ELL: variants seen among roughly 807,000 people sequenced by gnomAD.
The protein encoded by ELL is elongation factor for RNA polymerase II.
A neutral mutation model predicts 64.0 loss-of-function variants in ELL; 18 were observed. That is an observed-to-expected ratio of 0.28 (90% CI 0.19 to 0.42). The LOEUF (loss-of-function observed/expected upper bound fraction) is 0.42, where lower values mean the gene tolerates loss of function less well. Among genes scored for constraint, ELL ranks in the 10% least tolerant of loss-of-function variants. The pLI is 1.00. For missense variants in ELL, 797 were observed against 870.4 expected (o/e 0.92, Z 1.06); for synonymous variants, 399 against 376.2 (o/e 1.06, Z -0.70).
intron 6 of ELL, among the ~76,000 whole-genome samples, chr19:18,453,199 G>A (rs182481461): frequency 1.3e-5 from 2 of 152,202 alleles, no homozygotes; most frequent in African/African-American, 2.4e-5. Flanking sequence ...ACTTGAACCC[G>A]GGAGGCGGAG....
chr19:18,493,546 G>T (rs1297954909), intron 1 of ELL, among the ~76,000 whole-genome samples: 1 of 152,242 alleles, frequency 6.6e-6, no homozygotes, highest in African/African-American at 2.4e-5. Context: ...ACATGAACAT[G>T]GTGTACTCTC....
Position 18,445,262 on chromosome 19 carries a change from G to A in ELL, c.1711C>T (p.Arg571Ter). The A allele has an allele frequency of 6.2e-7, 1 of 1,613,152 alleles. No individual in the cohort carries two copies. Among genetic ancestry groups the A allele is most frequent in the Non-Finnish European group, 8.5e-7 (1 of 1,179,570 alleles). Reference sequence around the variant, plus strand: ...CGATATTCCTGCAAAATCTGCCCTCGAGTAGTCTAGAAGAAAAACAAAATT... The same window carrying A: ...CGATATTCCTGCAAAATCTGCCCTCAAGTAGTCTAGAAGAAAAACAAAATT... Reference protein sequence around the residue: ...SQGSEEYETTRGQILQEYRKI... With the variant: ...SQGSEEYETT The change falls in exon 11 of 12, where the codon CGA becomes TGA. Residue 571 changes from arginine to a stop codon, truncating the protein, a stop_gained. Transcript: ENST00000262809. LOFTEE classifies it high-confidence loss of function.
chr19:18,472,752 T>A, intron 2 of ELL, 83 bp downstream of exon 2: 1 of 1,513,950 alleles, frequency 6.6e-7, no homozygotes, highest in Non-Finnish European at 9.0e-7. Flanking sequence ...CATGAGCTGC[T>A]GCTGTACCCA....
intron 5 of ELL, 43 bp from the exon 6 acceptor site, chr19:18,458,372 G>A (rs1416804180): frequency 7.5e-6 from 12 of 1,592,726 alleles, no homozygotes; most frequent in Non-Finnish European, 1.0e-5. Flanking sequence ...AATCCTGAGA[G>A]AGACGGGGGA....
chr19:18,493,824 A>T (rs1445961755), intron 1 of ELL, among the ~76,000 whole-genome samples: 1 of 151,990 alleles, frequency 6.6e-6, no homozygotes, highest in Non-Finnish European at 1.5e-5. Context: ...GTCACTGACC[A>T]CTCCTCATAG....
intron 6 of ELL, among the ~76,000 whole-genome samples, chr19:18,454,052 G>GGAATGAAA (rs1367622721): frequency 6.6e-6 from 1 of 152,160 alleles, no homozygotes; most frequent in African/African-American, 2.4e-5. Context: ...TGGGGATAGG[G>GGAATGAAA]TTTCCTTTTG....
At chr19:18,499,795 G>T (rs1318729500) in intron 1 of ELL, among the ~76,000 whole-genome samples, 1 of 152,186 alleles carries the variant, frequency 6.6e-6, no homozygotes, top group African/African-American at 2.4e-5. Flanking sequence ...GGCTCTCTGG[G>T]TCTCTAGGAG....
At chr19:18,511,480 G>T (rs1976021618) in intron 1 of ELL, among the ~76,000 whole-genome samples, 1 of 152,158 alleles carries the variant, frequency 6.6e-6, no homozygotes, top group African/African-American at 2.4e-5. Context: ...ATACTTACAT[G>T]CCCTGTTCAC....
At chr19:18,455,506 AAAG>A (rs1373071056) in intron 6 of ELL, among the ~76,000 whole-genome samples, 2 of 151,774 alleles carry the variant, frequency 1.3e-5, no homozygotes, top group East Asian at 1.9e-4. Context: ...AAAAAAAAAA[AAAG>A]AACATGCTCC....
intron 1 of ELL, among the ~76,000 whole-genome samples, chr19:18,485,714 G>A (rs1007460422): frequency 2.0e-5 from 3 of 151,976 alleles, no homozygotes; most frequent in East Asian, 1.9e-4. Flanking sequence ...TGGGCCGGGC[G>A]CGGTGGCTCA....
intron 2 of ELL, among the ~76,000 whole-genome samples, chr19:18,467,061 T>C (rs1974953580): frequency 6.6e-6 from 1 of 152,152 alleles, no homozygotes; most frequent in Non-Finnish European, 1.5e-5. Context: ...CTGTGTGGCC[T>C]TGACTGGGAC....
At chr19:18,482,344 G>T (rs1362826310) in intron 1 of ELL, among the ~76,000 whole-genome samples, 1 of 94,206 alleles carries the variant, frequency 1.1e-5, no homozygotes, top group Non-Finnish European at 1.8e-5. Context: ...TTTAAACAGG[G>T]TCTCGCCCTG....
intron 5 of ELL, among the ~76,000 whole-genome samples, chr19:18,459,950 G>T (rs1465699672): frequency 6.6e-6 from 1 of 152,192 alleles, no homozygotes; most frequent in Non-Finnish European, 1.5e-5. Context: ...CCTTCGACGG[G>T]ATTCCCAGAA....
At chr19:18,472,146 G>A (rs1975076736) in intron 2 of ELL, among the ~76,000 whole-genome samples, 1 of 151,958 alleles carries the variant, frequency 6.6e-6, no homozygotes, top group South Asian at 2.1e-4. Flanking sequence ...ATTTTTAGTA[G>A]AGACGCGTTT....
chr19:18,514,592 A>C (rs1976092829), intron 1 of ELL, among the ~76,000 whole-genome samples: 1 of 151,808 alleles, frequency 6.6e-6, no homozygotes, highest in Non-Finnish European at 1.5e-5. Context: ...CTGCACCTGC[A>C]GGTCACAGGC....
At chr19:18,518,425 G>A (rs150805397) in intron 1 of ELL, among the ~76,000 whole-genome samples, 2 of 151,682 alleles carry the variant, frequency 1.3e-5, no homozygotes, top group East Asian at 1.9e-4. Flanking sequence ...GGTAGTTCGA[G>A]GCTGCAGTGA....
intron 2 of ELL, among the ~76,000 whole-genome samples, chr19:18,472,150 C>T (rs1228212201): frequency 3.3e-5 from 5 of 151,924 alleles, no homozygotes; most frequent in South Asian, 2.1e-4. Context: ...TTAGTAGAGA[C>T]GCGTTTCTCT....
At chr19:18,446,867 AG>A in intron 8 of ELL, 53 bp from the exon 9 acceptor site, 1 of 1,593,698 alleles carries the variant, frequency 6.3e-7, no homozygotes, top group Non-Finnish European at 8.6e-7. Context: ...ACCGGTCGGC[AG>A]GAAGCACGCC....
At position 18,503,079 on chromosome 19, in the gene ELL, C is replaced by T. The variant is rs545515353; in HGVS notation, c.135+18842G>A. ...GCTTATTTTATAAAGTGGCACTTTA[C>T]AGCTGGTTTAATGTGGTAAAACAGG... On this transcript the variant is annotated intron_variant, in intron 1 of 11. Coordinates refer to ENST00000262809, the MANE Select transcript of ELL (RefSeq NM_006532.4). Among the ~76,000 whole-genome samples, 30 of 152,364 alleles carry T rather than the reference C, an allele frequency of 2.0e-4. No individual in the cohort carries two copies. In the South Asian group the frequency reaches 6.0e-3, roughly 30 times the overall value.
Sources: allele counts gnomAD v4.1 joint callset (sites outside exome capture counted in the v4.1 genomes callset), GRCh38; gene constraint gnomAD v4.1.1; transcripts MANE v1.5; gene names NCBI Gene and HGNC (gene_info 2026-07-23, HGNC 2026-07-21).